The following PLCG2 variants were observed in gnomAD, a reference collection of about 807,000 sequenced individuals.
PLCG2 encodes 1-phosphatidylinositol 4,5-bisphosphate phosphodiesterase gamma-2.
A neutral mutation model predicts 175.6 loss-of-function variants in PLCG2; 69 were observed. The ratio of observed to expected loss-of-function variants is 0.39; its 90% CI spans 0.32 to 0.48. The LOEUF (loss-of-function observed/expected upper bound fraction) is 0.48. Ranked by LOEUF, PLCG2 falls within the 20% of genes least tolerant of loss-of-function variation. The probability of loss-of-function intolerance (pLI) is 0.91; values close to 1 mark genes in which losing one functional copy is unlikely to be tolerated. For missense variants in PLCG2, 1,798 were observed against 1,650.9 expected, an observed-to-expected ratio of 1.09 and a Z score of -1.54; for synonymous variants, 827 against 624.0, an observed-to-expected ratio of 1.33 and a Z score of -4.85.
chr16:81,903,733 C>T (rs73596863), intron 14 of PLCG2, among the ~76,000 whole-genome samples: 6,694 of 152,204 alleles, frequency 0.044, 438 homozygotes, highest in African/African-American at 0.15. Context: ...GTTGCATGTG[C>T]TCTTCCCTGT....
intron 19 of PLCG2, among the ~76,000 whole-genome samples, chr16:81,916,186 C>G (rs937163254): frequency 6.6e-6 from 1 of 151,652 alleles, no homozygotes; most frequent in African/African-American, 2.4e-5. Context: ...TGGAAATAAA[C>G]CACTGAAGCA....
chr16:81,773,889 A>G (rs1910335961), intron 2 of PLCG2, among the ~76,000 whole-genome samples: 1 of 152,060 alleles, frequency 6.6e-6, no homozygotes, highest in Non-Finnish European at 1.5e-5. Flanking sequence ...GTGTTCCTCC[A>G]ACTACACTCT....
chr16:81,754,099 T>A (rs1221074792), intron 1 of PLCG2, among the ~76,000 whole-genome samples: 1 of 151,908 alleles, frequency 6.6e-6, no homozygotes, highest in Non-Finnish European at 1.5e-5. Context: ...TTGGTAACTA[T>A]CCCTCAGGGT....
chr16:81,809,167 C>G (rs777187889), intron 2 of PLCG2, among the ~76,000 whole-genome samples: 36 of 152,178 alleles, frequency 2.4e-4, no homozygotes, highest in Non-Finnish European at 5.3e-4. Context: ...TGCAGACACT[C>G]TTGGCCTGAC....
chr16:81,797,355 G>C (rs536785896), intron 2 of PLCG2, among the ~76,000 whole-genome samples: 99 of 152,292 alleles, frequency 6.5e-4, no homozygotes, highest in African/African-American at 2.3e-3. Context: ...TGTATATCAG[G>C]CTCGCAAAAT....
chr16:81,758,158 T>G (rs1597304689), intron 2 of PLCG2, among the ~76,000 whole-genome samples: 1 of 152,214 alleles, frequency 6.6e-6, no homozygotes, highest in East Asian at 1.9e-4. Flanking sequence ...TGTATTATTT[T>G]GCAGAGATGG....
At chr16:81,939,827 G>C in intron 29 of PLCG2, 65 bp from the exon 30 acceptor site, 1 of 1,070,678 alleles carries the variant, frequency 9.3e-7, no homozygotes, top group Non-Finnish European at 1.4e-6. Flanking sequence ...GAAGGATGCG[G>C]AGATTGTCTT....
At chr16:81,941,820 A>G (rs1219460939) in intron 30 of PLCG2, among the ~76,000 whole-genome samples, 1 of 151,764 alleles carries the variant, frequency 6.6e-6, no homozygotes, top group Admixed American at 6.6e-5. Flanking sequence ...ACAGGTGTAC[A>G]CTACCACATC....
chr16:81,750,631 T>A (rs1410775816), intron 1 of PLCG2, among the ~76,000 whole-genome samples: 1 of 139,774 alleles, frequency 7.2e-6, no homozygotes, highest in Non-Finnish European at 1.5e-5. Context: ...GGACTACTAT[T>A]CAGCATTTAA....
rs373344892 is a variant in PLCG2, at chr16:81,931,594, G to A, written c.2679G>A (p.Val893=). 6.2e-7 allele frequency: 1 copy of A among 1,613,966 alleles called. No homozygotes were observed. Among genetic ancestry groups the A allele is most frequent in the Non-Finnish European group, 8.5e-7 (1 of 1,179,984 alleles). Residue 893 remains valine, a synonymous_variant, in exon 25 of 33, where the codon GTG becomes GTA. Transcript: ENST00000564138. The part of the protein sequence containing the change: ...DPPVEFATDR[V]EELFEWFQSI... ...CGGTGGAGTTTGCCACAGACAGGGT[G>A]GAGGAGCTCTTTGAGTGGTTTCAGA... is the stretch of plus-strand genomic sequence containing the variant.
intron 2 of PLCG2, among the ~76,000 whole-genome samples, chr16:81,809,857 A>C (rs1217167573): frequency 6.6e-6 from 1 of 151,132 alleles, no homozygotes; most frequent in African/African-American, 2.4e-5. Flanking sequence ...AAACCAGCTC[A>C]AGCAAAAAAA....
intron 2 of PLCG2, among the ~76,000 whole-genome samples, chr16:81,814,084 C>T (rs1319018292): frequency 6.6e-6 from 1 of 152,040 alleles, no homozygotes; most frequent in East Asian, 1.9e-4. Flanking sequence ...AGGCTGCCCT[C>T]CATAAGGAGA....
chr16:81,949,201 G>T (rs1235378640), intron 31 of PLCG2, among the ~76,000 whole-genome samples: 1 of 152,222 alleles, frequency 6.6e-6, no homozygotes, highest in East Asian at 1.9e-4. Context: ...AAAGGACAAA[G>T]TTAAACAGAC....
intron 1 of PLCG2, chr16:81,740,138 C>CAAAAAAAA (rs5818349): frequency 1.1e-4 from 10 of 88,730 alleles, no homozygotes; most frequent in South Asian, 4.0e-4. Flanking sequence ...ACTCTGTCTC[C>CAAAAAAAA]AAAAAAAAAA....
chr16:81,755,017 C>T (rs1033058983), intron 1 of PLCG2, among the ~76,000 whole-genome samples: 1 of 152,084 alleles, frequency 6.6e-6, no homozygotes, highest in African/African-American at 2.4e-5. Context: ...TCTGAGCCCC[C>T]ATTGCCTGAT....
intron 2 of PLCG2, among the ~76,000 whole-genome samples, chr16:81,791,089 T>G (rs1328654450): frequency 6.6e-6 from 1 of 152,212 alleles, no homozygotes; most frequent in African/African-American, 2.4e-5. Context: ...TTTGCCATCA[T>G]ATTGAGTGCT....
intron 2 of PLCG2, among the ~76,000 whole-genome samples, chr16:81,786,888 A>T (rs1910995310): frequency 6.6e-6 from 1 of 152,200 alleles, no homozygotes; most frequent in South Asian, 2.1e-4. Flanking sequence ...CAACTCAAAT[A>T]TTTCTCCTCC....
chr16:81,856,759 CTA>C (rs1906705842), intron 3 of PLCG2, among the ~76,000 whole-genome samples: 3 of 152,166 alleles, frequency 2.0e-5, no homozygotes. Context: ...ATATTATCCT[CTA>C]TGGAAAAGGA....
chr16:81,868,071 G>T (rs1335532830), intron 5 of PLCG2, among the ~76,000 whole-genome samples: 1 of 152,154 alleles, frequency 6.6e-6, no homozygotes, highest in Non-Finnish European at 1.5e-5. Flanking sequence ...TCCTGTGACC[G>T]AGCACTGGAA....
Sources: allele counts gnomAD v4.1 joint callset (sites outside exome capture counted in the v4.1 genomes callset), GRCh38; gene constraint gnomAD v4.1.1; transcripts MANE v1.5; gene names NCBI Gene and HGNC (gene_info 2026-07-23, HGNC 2026-07-21).